Variants in WDFY3 observed in about 807,000 individuals in gnomAD.
WDFY3 encodes WD repeat and FYVE domain containing 3, also known as WD repeat and FYVE domain-containing protein 3.
In WDFY3, 66 loss-of-function variants were observed where a neutral mutation model predicts 409.6. The ratio of observed to expected loss-of-function variants is 0.16; its 90% CI spans 0.13 to 0.20. The LOEUF is 0.20. Ranked by LOEUF, WDFY3 falls within the 10% of genes least tolerant of loss-of-function variation. WDFY3 has a pLI of 1.00. For synonymous variants in WDFY3, 1,521 were observed against 1,537.1 expected (o/e 0.99, Z 0.25); for missense variants, 3,031 against 4,298.1 (o/e 0.71, Z 8.24).
intron 46 of WDFY3, 147 bp downstream of exon 46, chr4:84,724,279 A>C (rs965025077): frequency 1.0e-5 from 9 of 865,822 alleles, no homozygotes; most frequent in Non-Finnish European, 1.5e-5. Flanking sequence ...CAAAGAAATC[A>C]ATCTTTAAGA....
intron 12 of WDFY3, 47 bp from the exon 13 acceptor site, chr4:84,817,632 C>T (rs1406991831): frequency 6.7e-7 from 1 of 1,497,926 alleles, no homozygotes; most frequent in African/African-American, 1.4e-5. Flanking sequence ...TTAAAATATT[C>T]TGAGACAAGT....
intron 5 of WDFY3, chr4:84,849,626 G>C (rs891730756): frequency 4.9e-6 from 1 of 204,224 alleles, no homozygotes; most frequent in African/African-American, 2.3e-5. Context: ...TTCATGCTGA[G>C]GAATTTGTAT....
Position 84,860,442 on chromosome 4 carries a change from T to C in WDFY3, c.150A>G (p.Lys50=). Residue 50 remains lysine (K), a synonymous_variant, in exon 4 of 68, where the codon AAA becomes AAG. Coordinates refer to ENST00000295888, the MANE Select transcript of WDFY3 (RefSeq NM_014991.6). ...TAAACACTGGCAGCATCATATACAGTTTCTCTTCTTGTTCCTTCTGAGTCA... is the reference window on the plus strand; with the variant it reads ...TAAACACTGGCAGCATCATATACAGCTTCTCTTCTTGTTCCTTCTGAGTCA... ...RHMTQKEQEE[K]LYMMLPVFNR... 1 of 1,614,062 alleles carries C rather than the reference T, an allele frequency of 6.2e-7. No individual in the cohort carries two copies. Among genetic ancestry groups the C allele is most frequent in the Non-Finnish European group, 8.5e-7 (1 of 1,179,974 alleles).
intron 10 of WDFY3, among the ~76,000 whole-genome samples, chr4:84,824,020 C>T (rs141972166): frequency 1.5e-3 from 227 of 152,272 alleles, no homozygotes; most frequent in African/African-American, 5.0e-3. Flanking sequence ...AAATGTCCAT[C>T]AACTGGTGAA....
intron 56 of WDFY3, among the ~76,000 whole-genome samples, chr4:84,699,775 T>C (rs1438338041): frequency 7.2e-5 from 11 of 152,096 alleles, no homozygotes; most frequent in Non-Finnish European, 7.3e-5. Flanking sequence ...TGGTATCTCA[T>C]TGTGGTTTTG....
intron 1 of WDFY3, among the ~76,000 whole-genome samples, chr4:84,934,916 ATAG>A (rs1298302953): frequency 6.6e-6 from 1 of 152,132 alleles, no homozygotes; most frequent in Non-Finnish European, 1.5e-5. Flanking sequence ...CCTGAACAAT[ATAG>A]TGTTCCATTT....
chr4:84,678,616 A>AT (rs1458777319), intron 65 of WDFY3, among the ~76,000 whole-genome samples: 1 of 152,228 alleles, frequency 6.6e-6, no homozygotes, highest in African/African-American at 2.4e-5. Context: ...TTATTTATTC[A>AT]TTTTTAATTA....
At chr4:84,759,472 T>G (rs549109452) in intron 32 of WDFY3, among the ~76,000 whole-genome samples, 18 of 151,938 alleles carry the variant, frequency 1.2e-4, no homozygotes, top group Admixed American at 2.0e-4. Flanking sequence ...TATCCTCTTT[T>G]ATTTCCTTGA....
intron 10 of WDFY3, among the ~76,000 whole-genome samples, chr4:84,823,499 C>A (rs1382076895): frequency 6.6e-6 from 1 of 151,412 alleles, no homozygotes; most frequent in South Asian, 2.1e-4. Context: ...TAAAAAAAAA[C>A]CAGCAAGTCA....
At chr4:84,675,296 G>A (rs1726085980) in intron 67 of WDFY3, among the ~76,000 whole-genome samples, 1 of 152,106 alleles carries the variant, frequency 6.6e-6, no homozygotes, top group Non-Finnish European at 1.5e-5. Context: ...AAAGCACAGA[G>A]CCACTAGACA....
intron 7 of WDFY3, among the ~76,000 whole-genome samples, chr4:84,836,552 G>A (rs1302528442): frequency 6.6e-6 from 1 of 151,790 alleles, no homozygotes; most frequent in East Asian, 1.9e-4. Context: ...ATAAGCTGGG[G>A]ACTTCCTGTA....
At chr4:84,788,274 C>T (rs954181580) in intron 22 of WDFY3, among the ~76,000 whole-genome samples, 1 of 152,158 alleles carries the variant, frequency 6.6e-6, no homozygotes, top group African/African-American at 2.4e-5. Context: ...ATAATAACAT[C>T]TCAGCTTCAG....
At chr4:84,950,822 G>GACACTGAATAAAC (rs1337791112) in intron 1 of WDFY3, among the ~76,000 whole-genome samples, 1 of 152,150 alleles carries the variant, frequency 6.6e-6, no homozygotes, top group African/African-American at 2.4e-5. Context: ...ACACAAAGTA[G>GACACTGAATAAAC]ACACTGAATA....
chr4:84,925,044 G>A (rs1161132746), intron 2 of WDFY3, among the ~76,000 whole-genome samples: 1 of 152,112 alleles, frequency 6.6e-6, no homozygotes, highest in Non-Finnish European at 1.5e-5. Context: ...AAATCTAAAG[G>A]TGTTTCTTCA....
chr4:84,820,788 T>C (rs1489496158), intron 11 of WDFY3, among the ~76,000 whole-genome samples: 1 of 152,118 alleles, frequency 6.6e-6, no homozygotes, highest in Non-Finnish European at 1.5e-5. Context: ...AGCTCGCTCT[T>C]AGAAGCACAA....
chr4:84,761,518 A>G (rs556051993), intron 32 of WDFY3, among the ~76,000 whole-genome samples: 104 of 152,282 alleles, frequency 6.8e-4, no homozygotes, highest in African/African-American at 2.4e-3. Flanking sequence ...TATTTAGGAT[A>G]GTTAGCTCTT....
intron 42 of WDFY3, among the ~76,000 whole-genome samples, chr4:84,735,446 A>G (rs1268223268): frequency 6.6e-6 from 1 of 152,108 alleles, no homozygotes; most frequent in Non-Finnish European, 1.5e-5. Context: ...AGACTCACAC[A>G]TTTCAGCTTA....
intron 2 of WDFY3, among the ~76,000 whole-genome samples, chr4:84,922,416 C>T (rs549152894): frequency 6.6e-6 from 1 of 152,244 alleles, no homozygotes; most frequent in South Asian, 2.1e-4. Context: ...TTAATCATCA[C>T]ATTAATTTAG....
chr4:84,842,808 G>T (rs987641132), intron 5 of WDFY3, among the ~76,000 whole-genome samples: 2 of 152,094 alleles, frequency 1.3e-5, no homozygotes, highest in African/African-American at 4.8e-5. Context: ...AAAAACTAAT[G>T]TATACTTAAC....
Sources: gnomAD v4.1 joint callset for allele counts (sites outside exome capture counted in the v4.1 genomes callset) on GRCh38, gnomAD v4.1.1 for gene constraint, MANE v1.5 for transcripts, NCBI Gene and HGNC (gene_info 2026-07-23, HGNC 2026-07-21) for gene names.